The following CTNND2 variants were observed in gnomAD, a reference collection of about 807,000 sequenced individuals.
CTNND2 encodes the protein catenin delta-2.
A neutral mutation model predicts 144.4 loss-of-function variants in CTNND2; 22 were observed. The observed-to-expected ratio is 0.15, with a 90% confidence interval of 0.11 to 0.22. The LOEUF is 0.22. CTNND2 is among the 10% of genes least tolerant of loss of function. The pLI, the probability that CTNND2 is intolerant of heterozygous loss-of-function variation, is 1.00. For missense variants in CTNND2, 1,353 were observed against 1,618.8 expected, an observed-to-expected ratio of 0.84 and a Z score of 2.82; for synonymous variants, 751 against 695.6, an observed-to-expected ratio of 1.08 and a Z score of -1.25.
chr5:11,204,357 G>A (rs986580384), intron 10 of CTNND2, among the ~76,000 whole-genome samples: 5 of 152,128 alleles, frequency 3.3e-5, no homozygotes, highest in East Asian at 3.9e-4. Context: ...CCTAAAATCC[G>A]CTGCTTTGAA....
At chr5:11,318,534 A>G (rs1330116108) in intron 9 of CTNND2, among the ~76,000 whole-genome samples, 1 of 152,014 alleles carries the variant, frequency 6.6e-6, no homozygotes, top group East Asian at 1.9e-4. Flanking sequence ...CCTCATGCTC[A>G]AGCAAGAACC....
intron 2 of CTNND2, among the ~76,000 whole-genome samples, chr5:11,637,696 A>T (rs988461853): frequency 3.3e-5 from 5 of 152,190 alleles, no homozygotes; most frequent in Non-Finnish European, 7.4e-5. Flanking sequence ...CCTGAGCAAC[A>T]TCAATCTTCT....
chr5:11,140,366 C>T lies in CTNND2; in HGVS notation c.2159+19210G>A, dbSNP rs574719924. 5.9e-5 allele frequency among the ~76,000 whole-genome samples: 9 copies of T among 152,264 alleles called. No homozygotes were observed. In the South Asian group the frequency reaches 8.3e-4, roughly 14 times the overall value. ...AATAATTTTATCTCAAAAGGAAAAA[C>T]AGGTAAAAACATTATCTGGTCAATT... On this transcript the variant is annotated intron_variant, in intron 12 of 21. Transcript: ENST00000304623.
At chr5:11,064,444 T>C (rs1387326180) in intron 16 of CTNND2, among the ~76,000 whole-genome samples, 1 of 151,994 alleles carries the variant, frequency 6.6e-6, no homozygotes, top group African/African-American at 2.4e-5. Flanking sequence ...ATTCCCACCA[T>C]CCGGGAGGAA....
intron 3 of CTNND2, among the ~76,000 whole-genome samples, chr5:11,450,650 A>G (rs977112424): frequency 2.0e-5 from 3 of 152,184 alleles, no homozygotes; most frequent in African/African-American, 7.2e-5. Context: ...CTGTAATCCC[A>G]GCACTTTGGG....
chr5:11,545,010 T>C (rs1431560361), intron 3 of CTNND2, among the ~76,000 whole-genome samples: 1 of 150,670 alleles, frequency 6.6e-6, no homozygotes, highest in South Asian at 2.1e-4. Flanking sequence ...TAATCCCAGC[T>C]ACTTGGGAGG....
At chr5:11,764,567 C>T (rs1789470231) in intron 1 of CTNND2, among the ~76,000 whole-genome samples, 1 of 152,184 alleles carries the variant, frequency 6.6e-6, no homozygotes, top group Admixed American at 6.5e-5. Context: ...CCTGCCTTTC[C>T]TAACTCCTGG....
intron 9 of CTNND2, among the ~76,000 whole-genome samples, chr5:11,251,542 C>T (rs58531824): frequency 0.063 from 9,625 of 152,196 alleles, 428 homozygotes; most frequent in Admixed American, 0.11. Flanking sequence ...TTCAAGATAC[C>T]GTATTTATCT....
chr5:11,371,259 T>A (rs1372092296), intron 7 of CTNND2, among the ~76,000 whole-genome samples: 1 of 152,242 alleles, frequency 6.6e-6, no homozygotes, highest in Non-Finnish European at 1.5e-5. Context: ...TTTGGCTTGA[T>A]ACCTGTTATC....
intron 3 of CTNND2, among the ~76,000 whole-genome samples, chr5:11,493,436 T>C (rs1041574869): frequency 6.6e-6 from 1 of 152,220 alleles, no homozygotes. Context: ...AAAGCAGACG[T>C]GAAAATCATT....
intron 7 of CTNND2, among the ~76,000 whole-genome samples, chr5:11,382,101 G>A (rs1758546958): frequency 1.3e-5 from 2 of 152,150 alleles, no homozygotes. Flanking sequence ...AACAAACCCA[G>A]AGAGGTACCC....
At chr5:11,110,800 A>G (rs1752885615) in intron 14 of CTNND2, 58 bp downstream of exon 14, 2 of 1,508,822 alleles carry the variant, frequency 1.3e-6, no homozygotes, top group South Asian at 1.2e-5. Flanking sequence ...TTGAGGATAT[A>G]TTACAGTTGC....
At chr5:11,504,648 G>A (rs774042888) in intron 3 of CTNND2, among the ~76,000 whole-genome samples, 16 of 152,160 alleles carry the variant, frequency 1.1e-4, no homozygotes, top group Non-Finnish European at 2.1e-4. Flanking sequence ...ACGGTGTCAC[G>A]GCCCAGCCTT....
chr5:11,141,918 G>A (rs1756768836), intron 12 of CTNND2, among the ~76,000 whole-genome samples: 2 of 152,176 alleles, frequency 1.3e-5, no homozygotes, highest in Non-Finnish European at 2.9e-5. Context: ...GGCTCTCAAT[G>A]GATTAACATT....
intron 18 of CTNND2, among the ~76,000 whole-genome samples, chr5:11,017,574 ATATCTTTC>A (rs1741751842): frequency 7.1e-6 from 1 of 140,504 alleles, no homozygotes; most frequent in South Asian, 2.3e-4. Flanking sequence ...ATATATATAT[ATATCTTTC>A]CATATATATA....
At chr5:11,348,569 T>C (rs771369937) in intron 8 of CTNND2, among the ~76,000 whole-genome samples, 1 of 151,480 alleles carries the variant, frequency 6.6e-6, no homozygotes, top group Non-Finnish European at 1.5e-5. Context: ...AGGAAAGAAA[T>C]AGTTTTCTAT....
chr5:11,784,382 G>A lies in CTNND2; in HGVS notation c.38-52110C>T, dbSNP rs552475260. 2.0e-4 allele frequency among the ~76,000 whole-genome samples: 30 copies of A among 152,294 alleles called. No individual in the cohort carries two copies. In the South Asian group the frequency reaches 5.8e-3, roughly 29 times the overall value. On this transcript the variant is annotated intron_variant, in intron 1 of 21. Transcript: ENST00000304623. Reference sequence around the variant, plus strand: ...TATTCATGACTCAAAGAATATCAGTGGTAACTGATTTTAGGAGGTTTTTCT... The same window carrying A: ...TATTCATGACTCAAAGAATATCAGTAGTAACTGATTTTAGGAGGTTTTTCT...
intron 18 of CTNND2, among the ~76,000 whole-genome samples, chr5:11,014,779 G>C (rs187565872): frequency 6.6e-6 from 1 of 152,178 alleles, no homozygotes; most frequent in African/African-American, 2.4e-5. Flanking sequence ...ACAAGAAAAT[G>C]AGCATGACAG....
chr5:11,615,455 A>G (rs760684497), intron 2 of CTNND2, among the ~76,000 whole-genome samples: 4 of 152,250 alleles, frequency 2.6e-5, no homozygotes, highest in Non-Finnish European at 4.4e-5. Context: ...TCAAATAAGC[A>G]TTTTAGCATG....
Sources: allele counts gnomAD v4.1 joint callset (sites outside exome capture counted in the v4.1 genomes callset), GRCh38; gene constraint gnomAD v4.1.1; transcripts MANE v1.5; gene names NCBI Gene and HGNC (gene_info 2026-07-23, HGNC 2026-07-21).